The following SLC7A14 variants were observed in gnomAD, a reference collection of about 807,000 sequenced individuals.
The protein encoded by SLC7A14 is gamma-aminobutyric acid transporter SLC7A14.
In SLC7A14, 37 loss-of-function variants were observed where a neutral mutation model predicts 60.2. The ratio of observed to expected loss-of-function variants is 0.61; its 90% CI spans 0.47 to 0.81. SLC7A14 has a LOEUF of 0.81. SLC7A14 is among the 30% of genes least tolerant of loss of function. The pLI is 0.00. For missense variants in SLC7A14, 886 were observed against 982.7 expected (o/e 0.90, Z 1.32); for synonymous variants, 399 against 395.8 (o/e 1.01, Z -0.10).
chr3:170,474,393 C>G (rs910657648), intron 7 of SLC7A14, among the ~76,000 whole-genome samples: 3 of 152,172 alleles, frequency 2.0e-5, no homozygotes, highest in African/African-American at 7.2e-5. Flanking sequence ...TCTGGCAGTG[C>G]ACCTCTGCCA....
chr3:170,584,833 C>T (rs1240251578), intron 1 of SLC7A14, among the ~76,000 whole-genome samples: 1 of 151,972 alleles, frequency 6.6e-6, no homozygotes, highest in African/African-American at 2.4e-5. Flanking sequence ...TTGGGCAATT[C>T]GGGCCAGTGA....
intron 2 of SLC7A14, among the ~76,000 whole-genome samples, chr3:170,501,662 T>A (rs534424193): frequency 1.3e-5 from 2 of 152,310 alleles, no homozygotes; most frequent in African/African-American, 4.8e-5. Context: ...TGTGTGAACA[T>A]GGGCCCAATT....
chr3:170,575,722 G>C (rs1208680416), intron 1 of SLC7A14, among the ~76,000 whole-genome samples: 1 of 152,124 alleles, frequency 6.6e-6, no homozygotes, highest in Non-Finnish European at 1.5e-5. Context: ...AGCTGACTTT[G>C]GGCAAGTCAC....
At position 170,543,665 on chromosome 3, in the gene SLC7A14, A is replaced by G. The variant is rs535893453; in HGVS notation, c.-152-16577T>C. ...TCTCAAAAGAAAAAAAACAAAAACA[A>G]AAACAAAAAGAACCACAGTCTCTCC... On this transcript the variant is annotated intron_variant, in intron 1 of 7. Transcript: ENST00000231706. 1.3e-3 allele frequency among the ~76,000 whole-genome samples: 190 copies of G among 151,990 alleles called. 1 individual carries two copies. Among genetic ancestry groups the G allele is most frequent in the African/African-American group, 4.5e-3 (187 of 41,506 alleles).
intron 7 of SLC7A14, among the ~76,000 whole-genome samples, chr3:170,478,742 G>A (rs1306384483): frequency 6.6e-6 from 1 of 152,074 alleles, no homozygotes; most frequent in African/African-American, 2.4e-5. Context: ...AGCACATACT[G>A]CGGGCACCCT....
intron 1 of SLC7A14, among the ~76,000 whole-genome samples, chr3:170,557,993 A>C (rs1714535268): frequency 6.6e-6 from 1 of 152,178 alleles, no homozygotes; most frequent in African/African-American, 2.4e-5. Context: ...ATTGGGTTAC[A>C]CTACACGCTG....
intron 1 of SLC7A14, among the ~76,000 whole-genome samples, chr3:170,551,503 C>G (rs1163896879): frequency 2.0e-5 from 3 of 152,214 alleles, no homozygotes; most frequent in Non-Finnish European, 2.9e-5. Context: ...AGCAGCACCA[C>G]TTTGCATTCC....
At chr3:170,502,609 C>A (rs953835135) in intron 2 of SLC7A14, among the ~76,000 whole-genome samples, 6 of 152,110 alleles carry the variant, frequency 3.9e-5, no homozygotes, top group Non-Finnish European at 8.8e-5. Context: ...TACCTTCAGT[C>A]CTAATTTTGT....
chr3:170,506,123 G>A (rs1273542440), intron 2 of SLC7A14, among the ~76,000 whole-genome samples: 1 of 152,194 alleles, frequency 6.6e-6, no homozygotes, highest in Non-Finnish European at 1.5e-5. Flanking sequence ...TTAGGTGCAG[G>A]CAGCCATCAG....
chr3:170,528,398 G>A (rs764725998), intron 1 of SLC7A14, among the ~76,000 whole-genome samples: 3 of 152,188 alleles, frequency 2.0e-5, no homozygotes, highest in Admixed American at 1.3e-4. Flanking sequence ...ACTCATAAAT[G>A]TATAGAATTT....
chr3:170,480,297 C>A lies in SLC7A14; in HGVS notation c.1985G>T (p.Cys662Phe). Reference protein sequence around the residue: ...TITWIRFAVWCFVGLLIYFGY... With the variant: ...TITWIRFAVWFFVGLLIYFGY... Reference sequence around the variant, plus strand: ...CAAAGGAAGTTGCTTACCCACAAAGCACCAGACCGCAAACCGGATCCATGT... The same window carrying A: ...CAAAGGAAGTTGCTTACCCACAAAGAACCAGACCGCAAACCGGATCCATGT... Residue 662 changes from cysteine (C) to phenylalanine (F), a missense_variant, in exon 7 of 8, where the codon TGC becomes TTC. By Grantham distance (205) the Cys-to-Phe change is radical. Transcript: ENST00000231706. 6.5e-7 allele frequency: 1 copy of A among 1,529,482 alleles called. No homozygotes were observed. The allele number at this position is 1,529,482 out of a possible 1,614,324, so 94.7% of individuals were successfully genotyped here.
chr3:170,546,691 G>A (rs1178723100), intron 1 of SLC7A14, among the ~76,000 whole-genome samples: 2 of 152,164 alleles, frequency 1.3e-5, no homozygotes, highest in Admixed American at 6.5e-5. Context: ...GGTCCCCTGT[G>A]CTCCGACTTT....
chr3:170,495,636 G>T, intron 4 of SLC7A14: 1 of 813,518 alleles, frequency 1.2e-6, no homozygotes, highest in East Asian at 2.4e-5. Context: ...CATCACCACT[G>T]TCACGTTCAA....
At chr3:170,561,018 G>C (rs1714634399) in intron 1 of SLC7A14, among the ~76,000 whole-genome samples, 1 of 152,106 alleles carries the variant, frequency 6.6e-6, no homozygotes, top group Non-Finnish European at 1.5e-5. Context: ...CCCCACATTA[G>C]TGCCCTTTCC....
rs201486833 is a variant in SLC7A14, at chr3:170,467,241, G to A, written c.2130C>T (p.Tyr710=). 324 of 1,614,256 alleles carry A rather than the reference G, an allele frequency of 2.0e-4. No individual in the cohort carries two copies. The highest frequency in any genetic ancestry group is 2.6e-4 in the Non-Finnish European group (305 of 1,180,046). ...CCTCCTGGCTCTCGCCCTCTGTGGC[G>A]TAGGAGAAACCCTCCTCCACTGAGA... ...DPFSVEEGFS[Y]ATEGESQEDW... is the part of the protein sequence containing the mutation. The change falls in exon 8 of 8, where the codon TAC becomes TAT. Residue 710 remains tyrosine, a synonymous_variant. Coordinates refer to ENST00000231706, the MANE Select transcript of SLC7A14 (RefSeq NM_020949.3).
At chr3:170,515,826 G>A (rs999503909) in intron 2 of SLC7A14, among the ~76,000 whole-genome samples, 1 of 152,178 alleles carries the variant, frequency 6.6e-6, no homozygotes, top group Non-Finnish European at 1.5e-5. Context: ...CAGACCTCAG[G>A]TGTCCCGACT....
In SLC7A14 at chr3:170,555,099, C is replaced by T. The variant is rs575992523; in HGVS notation, c.-152-28011G>A. 3.3e-5 allele frequency among the ~76,000 whole-genome samples: 5 copies of T among 151,660 alleles called. No homozygotes were observed. The East Asian group carries it at 5.8e-4, about 18-fold the overall frequency. ...AGGAGAATTGCTTGGACCTGGGAAG[C>T]GGAGGTTGCAGTGAGCCAAGATCAC... On this transcript the variant is annotated intron_variant, in intron 1 of 7. Transcript: ENST00000231706.
intron 7 of SLC7A14, among the ~76,000 whole-genome samples, chr3:170,473,314 T>C (rs912919426): frequency 6.6e-6 from 1 of 152,200 alleles, no homozygotes; most frequent in African/African-American, 2.4e-5. Flanking sequence ...CTGAAGAGAC[T>C]GAGTAATGCA....
rs1207097020 is a variant in SLC7A14 at position 170,462,301 on chromosome 3, T to G, written c.*4754A>C. On this transcript the variant is annotated 3_prime_UTR_variant, in exon 8 of 8. Coordinates refer to ENST00000231706, the MANE Select transcript of SLC7A14 (RefSeq NM_020949.3). ...AGAGGTGGTTTCTTGTAAGGTAGACTTCCAACAAATGTTGGATGTCTAACA... is the reference window on the plus strand; with the variant it reads ...AGAGGTGGTTTCTTGTAAGGTAGACGTCCAACAAATGTTGGATGTCTAACA... The G allele has an allele frequency of 6.6e-6, 1 of 152,202 alleles. No individual in the cohort carries two copies. The highest frequency in any genetic ancestry group is 2.1e-4 in the South Asian group (1 of 4,828). 9.4% of individuals were successfully genotyped at this position (152,202 alleles called of 1,614,324 possible).
Sources: gnomAD v4.1 joint callset for allele counts (sites outside exome capture counted in the v4.1 genomes callset) on GRCh38, gnomAD v4.1.1 for gene constraint, MANE v1.5 for transcripts, NCBI Gene and HGNC (gene_info 2026-07-23, HGNC 2026-07-21) for gene names.